ATP2C1: variants seen among roughly 807,000 people sequenced by gnomAD.
ATP2C1 encodes calcium-transporting ATPase type 2C member 1.
A neutral mutation model predicts 120.5 loss-of-function variants in ATP2C1; 31 were observed. The ratio of observed to expected loss-of-function variants is 0.26; its 90% CI spans 0.19 to 0.35. The LOEUF (loss-of-function observed/expected upper bound fraction) is 0.35, where lower values mean the gene tolerates loss of function less well. Ranked by LOEUF, ATP2C1 falls within the 10% of genes least tolerant of loss-of-function variation. The pLI, the probability that ATP2C1 is intolerant of heterozygous loss-of-function variation, is 1.00. For synonymous variants in ATP2C1, 351 were observed against 358.7 expected (o/e 0.98, Z 0.24); for missense variants, 731 against 1,107.5 (o/e 0.66, Z 4.83).
chr3:130,945,204 C>T (rs1279312955), intron 8 of ATP2C1, among the ~76,000 whole-genome samples: 3 of 151,670 alleles, frequency 2.0e-5, no homozygotes, highest in Non-Finnish European at 4.4e-5. Flanking sequence ...TTTTTTCCCC[C>T]GAGGGTTTTT....
chr3:130,967,566 C>T (rs2061103970), intron 16 of ATP2C1, 147 bp downstream of exon 16: 1 of 696,074 alleles, frequency 1.4e-6, no homozygotes, highest in Non-Finnish European at 2.5e-6. Flanking sequence ...TTTTAGGTAT[C>T]AGTTTTATTC....
At chr3:130,850,797 A>G (rs765476742) in exon 1 of ATP2C1, 21 of 1,223,820 alleles carry the variant, frequency 1.7e-5, no homozygotes, top group African/African-American at 4.7e-5. Flanking sequence ...AGGTGCAGAC[A>G]AGGACCCTCT....
intron 20 of ATP2C1, among the ~76,000 whole-genome samples, chr3:130,984,476 C>G (rs2061907523): frequency 6.6e-6 from 1 of 152,110 alleles, no homozygotes; most frequent in Non-Finnish European, 1.5e-5. Flanking sequence ...GCATTAAGTC[C>G]CTAGACCTCC....
chr3:130,889,789 G>C (rs2069109518), upstream of ATP2C1, among the ~76,000 whole-genome samples: 1 of 151,824 alleles, frequency 6.6e-6, no homozygotes, highest in South Asian at 2.1e-4. Context: ...GGGACCACAG[G>C]TGTGTGCCAC....
Position 130,869,367 on chromosome 3 carries a change from T to C in ATP2C1, c.108+18439T>C, listed in dbSNP as rs182866897. 15 of 153,930 alleles carry C rather than the reference T, an allele frequency of 9.7e-5. No individual in the cohort carries two copies. In the East Asian group the frequency reaches 2.8e-3, roughly 29 times the overall value. 9.5% of individuals were successfully genotyped at this position (153,930 alleles called of 1,614,324 possible). On this transcript the variant is annotated intron_variant, in intron 1 of 26. Transcript: ENST00000504381. ...TTATCTGCTGACCTTCCCTCCACTATTGTCCTATGACCCTGCCAAATCCCC... is the reference window on the plus strand; with the variant it reads ...TTATCTGCTGACCTTCCCTCCACTACTGTCCTATGACCCTGCCAAATCCCC...
At chr3:130,990,536 A>AT (rs932166916) in intron 20 of ATP2C1, among the ~76,000 whole-genome samples, 1 of 152,170 alleles carries the variant, frequency 6.6e-6, no homozygotes, top group African/African-American at 2.4e-5. Context: ...TGTGAACTTC[A>AT]TGAGGGACCC....
chr3:131,012,731 A>G (rs760913741), intron 26 of ATP2C1, among the ~76,000 whole-genome samples: 8 of 152,096 alleles, frequency 5.3e-5, no homozygotes, highest in Non-Finnish European at 7.4e-5. Context: ...CTCCCATGCA[A>G]TCCTCTGAAA....
rs753929358 is a variant in ATP2C1 at position 130,934,750 on chromosome 3, G to A, written c.324+39G>A. The stretch of plus-strand genomic sequence containing the variant: ...TACATATTTTTAATCTGTTGAGTAA[G>A]TGTATAAATTGGGATTGGTTTTTAT... On this transcript the variant is annotated intron_variant, in intron 5 of 27. Transcript: ENST00000510168. 9.5e-6 allele frequency: 13 copies of A among 1,364,168 alleles called. No homozygotes were observed. The South Asian group carries it at 1.5e-4, about 16-fold the overall frequency. 84.5% of individuals were successfully genotyped at this position (1,364,168 alleles called of 1,614,324 possible).
intron 1 of ATP2C1, among the ~76,000 whole-genome samples, chr3:130,873,602 A>G (rs1434954601): frequency 6.6e-6 from 1 of 152,232 alleles, no homozygotes; most frequent in Non-Finnish European, 1.5e-5. Flanking sequence ...AGGAAAAAAT[A>G]TAAGTTTTTT....
At chr3:130,856,397 G>C (rs1458949091) in intron 1 of ATP2C1, among the ~76,000 whole-genome samples, 1 of 152,126 alleles carries the variant, frequency 6.6e-6, no homozygotes, top group Non-Finnish European at 1.5e-5. Flanking sequence ...GATTTCCAAG[G>C]CTAAATAAGG....
chr3:130,918,096 C>A, intron 2 of ATP2C1: 1 of 615,890 alleles, frequency 1.6e-6, no homozygotes, highest in South Asian at 2.0e-5. Context: ...GCCAGCCTAT[C>A]CGAGTACAGG....
intron 26 of ATP2C1, among the ~76,000 whole-genome samples, chr3:131,011,502 A>G (rs1251529419): frequency 1.3e-5 from 2 of 152,228 alleles, no homozygotes; most frequent in African/African-American, 2.4e-5. Context: ...GATTGCAAAC[A>G]TAGGAAACTA....
intron 5 of ATP2C1, 48 bp downstream of exon 5, chr3:130,934,759 T>C: frequency 7.8e-7 from 1 of 1,281,420 alleles, no homozygotes; most frequent in East Asian, 2.3e-5. Context: ...AGTGTATAAA[T>C]TGGGATTGGT....
intron 14 of ATP2C1, among the ~76,000 whole-genome samples, chr3:130,965,847 G>C (rs990066939): frequency 6.6e-6 from 1 of 152,022 alleles, no homozygotes; most frequent in Non-Finnish European, 1.5e-5. Context: ...CCCATTATAA[G>C]AGAGCAGGAG....
At chr3:131,004,233 G>A (rs1420782172), downstream of ATP2C1, among the ~76,000 whole-genome samples, 1 of 152,196 alleles carries the variant, frequency 6.6e-6, no homozygotes, top group African/African-American at 2.4e-5. Flanking sequence ...TCTTTGAAGT[G>A]CTTTTTAAGA....
intron 1 of ATP2C1, among the ~76,000 whole-genome samples, chr3:130,851,784 C>T (rs2067685579): frequency 6.6e-6 from 1 of 152,166 alleles, no homozygotes; most frequent in South Asian, 2.1e-4. Context: ...ACCAAAGACC[C>T]AGCAGTCATA....
At chr3:131,004,890 A>G (rs922283838), downstream of ATP2C1, among the ~76,000 whole-genome samples, 1 of 152,240 alleles carries the variant, frequency 6.6e-6, no homozygotes, top group African/African-American at 2.4e-5. Flanking sequence ...TAATGCTGAA[A>G]GCAGAGACAT....
intron 18 of ATP2C1, among the ~76,000 whole-genome samples, chr3:130,975,890 A>G (rs1405722162): frequency 2.0e-5 from 3 of 152,164 alleles, no homozygotes; most frequent in Non-Finnish European, 4.4e-5. Flanking sequence ...TGCTAACTTG[A>G]TCTGTTACTG....
At chr3:130,934,589 C>A in intron 4 of ATP2C1, 33 bp from the exon 5 acceptor site, 1 of 1,374,384 alleles carries the variant, frequency 7.3e-7, no homozygotes, top group Non-Finnish European at 1.0e-6. Flanking sequence ...ATGTACAAAA[C>A]TGTGTTGAAT....
Sources: gnomAD v4.1 joint callset for allele counts (sites outside exome capture counted in the v4.1 genomes callset) on GRCh38, gnomAD v4.1.1 for gene constraint, MANE v1.5 for transcripts, NCBI Gene and HGNC (gene_info 2026-07-23, HGNC 2026-07-21) for gene names.